SHROOM4: variants seen among roughly 807,000 people sequenced by gnomAD.
SHROOM4 encodes protein Shroom4.
A neutral mutation model predicts 80.3 loss-of-function variants in SHROOM4; 17 were observed. That is an observed-to-expected ratio of 0.21 (90% CI 0.14 to 0.32). The LOEUF (loss-of-function observed/expected upper bound fraction) is 0.32, where lower values mean the gene tolerates loss of function less well. Among genes scored for constraint, SHROOM4 ranks in the 10% least tolerant of loss-of-function variants. The probability of loss-of-function intolerance (pLI) is 1.00; values close to 1 mark genes in which losing one functional copy is unlikely to be tolerated. For missense variants in SHROOM4, 993 were observed against 1,140.3 expected (o/e 0.87, Z 1.86); for synonymous variants, 400 against 437.5 (o/e 0.91, Z 1.07).
At chrX:50,717,364 A>C (rs372844072) in intron 1 of SHROOM4, among the ~76,000 whole-genome samples, 1 of 111,475 alleles carries the variant, frequency 9.0e-6, no homozygotes, top group African/African-American at 3.3e-5. Context: ...ACTACAGGCG[A>C]CCGCCACCAC....
chrX:50,767,642 A>G (rs1374461548), intron 1 of SHROOM4, among the ~76,000 whole-genome samples: 1 of 111,530 alleles, frequency 9.0e-6, no homozygotes, highest in African/African-American at 3.3e-5. Flanking sequence ...ACTTATTACC[A>G]GAGTCCAGGC....
intron 1 of SHROOM4, among the ~76,000 whole-genome samples, chrX:50,756,868 T>C (rs1935049747): frequency 8.9e-6 from 1 of 112,187 alleles, no homozygotes; most frequent in Non-Finnish European, 1.9e-5. Flanking sequence ...TAAGAGGCTT[T>C]ATATTTTCTG....
intron 1 of SHROOM4, among the ~76,000 whole-genome samples, chrX:50,806,249 G>A (rs1354203547): frequency 2.7e-5 from 3 of 112,023 alleles, no homozygotes; most frequent in Admixed American, 9.4e-5. Flanking sequence ...TTGCGATATG[G>A]TACAGTCATA....
chrX:50,725,218 C>G (rs782756410), intron 1 of SHROOM4, among the ~76,000 whole-genome samples: 11 of 112,317 alleles, frequency 9.8e-5, no homozygotes, highest in East Asian at 2.8e-4. Flanking sequence ...GGGAAATCCA[C>G]TGGCACCTCT....
chrX:50,654,717 G>C (rs1282150551), intron 2 of SHROOM4, among the ~76,000 whole-genome samples: 1 of 109,607 alleles, frequency 9.1e-6, no homozygotes, highest in Non-Finnish European at 1.9e-5. Flanking sequence ...CCCATTCCTG[G>C]TGACCACCAT....
At position 50,587,116 on chromosome X, in the gene SHROOM4, C is replaced by T. The variant is rs1427082722; in HGVS notation, c.*9579G>A. Among the ~76,000 whole-genome samples, 1 of 111,729 alleles carries T rather than the reference C, an allele frequency of 9.0e-6. No individual in the cohort carries two copies. The highest frequency in any genetic ancestry group is 1.9e-5 in the Non-Finnish European group (1 of 53,145). On this transcript the variant is annotated 3_prime_UTR_variant, in exon 9 of 9. Coordinates refer to ENST00000376020, the MANE Select transcript of SHROOM4 (RefSeq NM_020717.5). The stretch of plus-strand genomic sequence containing the variant: ...CTGTGTGTTTGACTTTTTTAGCTTC[C>T]ACATATGAGATTACGCAGTATTTTT...
chrX:50,629,478 C>T (rs782138650), intron 4 of SHROOM4, among the ~76,000 whole-genome samples: 15 of 111,713 alleles, frequency 1.3e-4, no homozygotes, highest in East Asian at 5.6e-4. Context: ...AGTATAATCA[C>T]GATAATAATA....
At chrX:50,782,735 G>A (rs782377032) in intron 1 of SHROOM4, among the ~76,000 whole-genome samples, 1 of 112,096 alleles carries the variant, frequency 8.9e-6, no homozygotes, top group South Asian at 3.7e-4. Flanking sequence ...AGTAAATTAT[G>A]CTAAGTGAAA....
intron 2 of SHROOM4, among the ~76,000 whole-genome samples, chrX:50,647,350 C>G (rs1328248992): frequency 9.0e-6 from 1 of 111,237 alleles, no homozygotes; most frequent in Non-Finnish European, 1.9e-5. Flanking sequence ...TTTTCCCTCT[C>G]CCTTCTATGT....
rs1403750188 is a variant in SHROOM4 at position 50,602,813 on chromosome X, T to C, written c.3762A>G (p.Lys1254=). ...TSGQEATESA[K]QEFQHFSPPS... ...GAGGCGAAAAGTGCTGAAACTCTTG[T>C]CTGTGGAAACAAAGAATGACCATTT... is the stretch of plus-strand genomic sequence containing the variant. Residue 1254 remains lysine, a splice_region_variant and synonymous_variant, in exon 7 of 9, where the codon AAA becomes AAG. Transcript: ENST00000376020. 1.7e-6 allele frequency: 2 copies of C among 1,207,635 alleles called. No individual in the cohort carries two copies. Among genetic ancestry groups the C allele is most frequent in the Admixed American group, 2.2e-5 (1 of 45,630 alleles).
At chrX:50,639,334 C>T (rs1278930501) in intron 2 of SHROOM4, among the ~76,000 whole-genome samples, 5 of 109,033 alleles carry the variant, frequency 4.6e-5, no homozygotes, top group South Asian at 4.0e-4. Flanking sequence ...ATGCTGGAAG[C>T]GCCAGACAAA....
rs1557254756 is a variant in SHROOM4 at position 50,633,573 on chromosome X, C to T, written c.2500G>A (p.Asp834Asn). Residue 834 changes from aspartate (D) to asparagine (N), a missense_variant, in exon 4 of 9, where the codon GAC (aspartate) becomes AAC (asparagine). Physicochemically the swap from Asp to Asn is conservative, Grantham distance 23. Coordinates refer to ENST00000376020, the MANE Select transcript of SHROOM4 (RefSeq NM_020717.5). ...HPMDQSYHSA[D>N]QPYHATDQSY... is the part of the protein sequence containing the mutation. ...TGGTCTGTGGCATGATATGGTTGGT[C>T]TGCGGAATGATATGATTGGTCCATG... is the stretch of plus-strand genomic sequence containing the variant. 1 of 1,211,702 alleles carries T rather than the reference C, an allele frequency of 8.3e-7. No homozygotes were observed. Among genetic ancestry groups the T allele is most frequent in the Non-Finnish European group, 1.1e-6 (1 of 895,550 alleles).
At chrX:50,692,690 T>C (rs868947075) in intron 2 of SHROOM4, among the ~76,000 whole-genome samples, 17 of 111,490 alleles carry the variant, frequency 1.5e-4, no homozygotes, top group African/African-American at 5.2e-4. Flanking sequence ...AGTGATAATG[T>C]ATCTATTATA....
chrX:50,588,777 A>T lies in SHROOM4; in HGVS notation c.*7918T>A, dbSNP rs1928807678. 8.9e-6 allele frequency among the ~76,000 whole-genome samples: 1 copy of T among 112,587 alleles called. No homozygotes were observed. The highest frequency in any genetic ancestry group is 3.7e-4 in the South Asian group (1 of 2,734). On this transcript the variant is annotated 3_prime_UTR_variant, in exon 9 of 9. Coordinates refer to ENST00000376020, the MANE Select transcript of SHROOM4 (RefSeq NM_020717.5). Reference sequence around the variant, plus strand: ...AGCTAACATTTATCAAATACTTACTACATGGCAGACATTATTTTAAGTGCT... The same window carrying T: ...AGCTAACATTTATCAAATACTTACTTCATGGCAGACATTATTTTAAGTGCT...
intron 5 of SHROOM4, among the ~76,000 whole-genome samples, chrX:50,620,294 T>G (rs1208307375): frequency 8.9e-6 from 1 of 112,042 alleles, no homozygotes; most frequent in Non-Finnish European, 1.9e-5. Flanking sequence ...GTTTCATATT[T>G]ATTATTTTTT....
At chrX:50,614,309 A>G in intron 5 of SHROOM4, among the ~76,000 whole-genome samples, 1 of 112,486 alleles carries the variant, frequency 8.9e-6, no homozygotes, top group Non-Finnish European at 1.9e-5. Flanking sequence ...AACTTAAAAA[A>G]TTATGTCCAG....
intron 1 of SHROOM4, among the ~76,000 whole-genome samples, chrX:50,786,755 C>T (rs1935748542): frequency 9.0e-6 from 1 of 111,378 alleles, no homozygotes; most frequent in Admixed American, 9.5e-5. Context: ...CATGAAGAAA[C>T]AGGGAAATAT....
chrX:50,600,896 C>T (rs1012703668), intron 7 of SHROOM4, among the ~76,000 whole-genome samples: 30 of 111,957 alleles, frequency 2.7e-4, no homozygotes, highest in African/African-American at 8.5e-4. Context: ...ATCTGCTCTC[C>T]CAAATAAAAG....
At chrX:50,652,814 T>G (rs1259865403) in intron 2 of SHROOM4, among the ~76,000 whole-genome samples, 1 of 112,392 alleles carries the variant, frequency 8.9e-6, no homozygotes, top group Non-Finnish European at 1.9e-5. Flanking sequence ...TACCATTTAT[T>G]AAATAGGGAA....
Sources: gnomAD v4.1 joint callset for allele counts (sites outside exome capture counted in the v4.1 genomes callset) on GRCh38, gnomAD v4.1.1 for gene constraint, MANE v1.5 for transcripts, NCBI Gene and HGNC (gene_info 2026-07-23, HGNC 2026-07-21) for gene names.